Variants in ADGRB3 observed in about 807,000 individuals in gnomAD.
ADGRB3 encodes brain-specific angiogenesis inhibitor 3.
Under a neutral mutation model 193.4 loss-of-function variants are expected in ADGRB3, and 37 were observed. The ratio of observed to expected loss-of-function variants is 0.19; its 90% CI spans 0.15 to 0.25. The LOEUF (loss-of-function observed/expected upper bound fraction) is 0.25. Ranked by LOEUF, ADGRB3 falls within the 10% of genes least tolerant of loss-of-function variation. The pLI is 1.00. For missense variants in ADGRB3, 1,637 were observed against 1,852.9 expected (o/e 0.88, Z 2.14); for synonymous variants, 690 against 644.2 (o/e 1.07, Z -1.08).
chr6:68,684,199 C>T (rs578106599), intron 3 of ADGRB3, among the ~76,000 whole-genome samples: 1 of 152,240 alleles, frequency 6.6e-6, no homozygotes, highest in East Asian at 1.9e-4. Context: ...GTCTTGATAG[C>T]TCTCATGTCT....
chr6:69,166,245 C>T (rs2150346285), intron 17 of ADGRB3, among the ~76,000 whole-genome samples: 1 of 152,076 alleles, frequency 6.6e-6, no homozygotes, highest in African/African-American at 2.4e-5. Context: ...ATGACAAAAA[C>T]CACAGTTTCA....
chr6:69,239,772 G>T (rs1252229618), intron 20 of ADGRB3, among the ~76,000 whole-genome samples: 1 of 152,002 alleles, frequency 6.6e-6, no homozygotes, highest in Non-Finnish European at 1.5e-5. Context: ...TTGATACTTA[G>T]CAGAATGGAA....
At chr6:69,381,217 T>A (rs1380483156) in intron 30 of ADGRB3, among the ~76,000 whole-genome samples, 1 of 151,964 alleles carries the variant, frequency 6.6e-6, no homozygotes, top group Non-Finnish European at 1.5e-5. Context: ...CCACAAGCCA[T>A]CACTAGTCAA....
chr6:69,296,743 T>C (rs1447336969), intron 20 of ADGRB3, among the ~76,000 whole-genome samples: 1 of 152,098 alleles, frequency 6.6e-6, no homozygotes, highest in Non-Finnish European at 1.5e-5. Context: ...ACCATGTCTA[T>C]GAGGGAGATA....
intron 3 of ADGRB3, among the ~76,000 whole-genome samples, chr6:68,693,826 A>G (rs1765116206): frequency 6.6e-6 from 1 of 152,004 alleles, no homozygotes; most frequent in Non-Finnish European, 1.5e-5. Flanking sequence ...GATGGTCTTC[A>G]GTATTTAAGA....
At chr6:69,055,793 G>GT (rs372442082) in intron 15 of ADGRB3, among the ~76,000 whole-genome samples, 2 of 148,410 alleles carry the variant, frequency 1.3e-5, no homozygotes, top group African/African-American at 2.4e-5. Flanking sequence ...TTGTTATGTT[G>GT]TTTTTTTGTT....
At chr6:68,986,905 A>T (rs1327042807) in intron 10 of ADGRB3, among the ~76,000 whole-genome samples, 1 of 152,140 alleles carries the variant, frequency 6.6e-6, no homozygotes, top group African/African-American at 2.4e-5. Flanking sequence ...AGGAGGCTTG[A>T]AATGAAAAGA....
chr6:68,694,954 G>A (rs181268557), intron 3 of ADGRB3, among the ~76,000 whole-genome samples: 3 of 151,924 alleles, frequency 2.0e-5, no homozygotes, highest in Admixed American at 2.0e-4. Flanking sequence ...TTTCTGTATT[G>A]GGCCATTTTA....
chr6:69,321,835 G>A (rs771059732), intron 20 of ADGRB3, among the ~76,000 whole-genome samples: 4 of 151,842 alleles, frequency 2.6e-5, no homozygotes, highest in Non-Finnish European at 5.9e-5. Context: ...AAATCAGTGT[G>A]TGTTTCCTTG....
intron 17 of ADGRB3, among the ~76,000 whole-genome samples, chr6:69,129,943 A>C (rs1331540738): frequency 6.6e-6 from 1 of 152,080 alleles, no homozygotes; most frequent in Non-Finnish European, 1.5e-5. Flanking sequence ...ATTGTTTATA[A>C]CCAACTTTTA....
At chr6:68,974,043 G>C (rs1272981595) in intron 8 of ADGRB3, among the ~76,000 whole-genome samples, 1 of 152,058 alleles carries the variant, frequency 6.6e-6, no homozygotes, top group Non-Finnish European at 1.5e-5. Flanking sequence ...TTTAGTTGAA[G>C]AGGTAAAAAG....
rs547591295 is a variant in ADGRB3, at chr6:69,246,165, G to A, written c.2814+6939G>A. ...TCTTTTTTCTTCATAAGAATATAAT[G>A]TTCATAGCCTTAAAAAGAAATGTGC... On this transcript the variant is annotated intron_variant, in intron 20 of 31. Coordinates refer to ENST00000370598, the MANE Select transcript of ADGRB3 (RefSeq NM_001704.3). 3.2e-4 allele frequency among the ~76,000 whole-genome samples: 49 copies of A among 152,196 alleles called. 2 individuals carry two copies. In the South Asian group the frequency reaches 1.0e-2, roughly 31 times the overall value.
chr6:69,245,620 T>C (rs1582574262), intron 20 of ADGRB3, among the ~76,000 whole-genome samples: 1 of 152,210 alleles, frequency 6.6e-6, no homozygotes, highest in East Asian at 1.9e-4. Flanking sequence ...TGTTTCATGC[T>C]ATACTTCATC....
intron 17 of ADGRB3, among the ~76,000 whole-genome samples, chr6:69,123,552 C>A (rs1183904265): frequency 6.6e-6 from 1 of 152,140 alleles, no homozygotes; most frequent in Non-Finnish European, 1.5e-5. Context: ...ATAATAAAAG[C>A]TGCATCTGCC....
At chr6:68,765,247 A>G (rs13220538) in intron 3 of ADGRB3, among the ~76,000 whole-genome samples, 14,624 of 152,208 alleles carry the variant, frequency 0.096, 878 homozygotes, top group Middle Eastern at 0.15. Flanking sequence ...AATGTATTCA[A>G]TTATGAAATG....
intron 17 of ADGRB3, among the ~76,000 whole-genome samples, chr6:69,096,819 A>C (rs1366853030): frequency 6.6e-6 from 1 of 152,206 alleles, no homozygotes; most frequent in Non-Finnish European, 1.5e-5. Context: ...CTTGGGGAGC[A>C]GTTCAGGCAT....
intron 24 of ADGRB3, among the ~76,000 whole-genome samples, chr6:69,333,335 T>C (rs1768767507): frequency 6.6e-6 from 1 of 152,046 alleles, no homozygotes; most frequent in Non-Finnish European, 1.5e-5. Flanking sequence ...CTGGTTTTGG[T>C]CACAAAGAAC....
intron 17 of ADGRB3, among the ~76,000 whole-genome samples, chr6:69,090,513 A>T (rs934540860): frequency 1.3e-5 from 2 of 151,862 alleles, no homozygotes; most frequent in African/African-American, 4.8e-5. Flanking sequence ...TTTTTCACAC[A>T]CTCATTTATT....
At chr6:69,310,575 T>C (rs781540950) in intron 20 of ADGRB3, among the ~76,000 whole-genome samples, 4 of 151,742 alleles carry the variant, frequency 2.6e-5, no homozygotes, top group African/African-American at 9.7e-5. Context: ...GCAATGTAAA[T>C]TCAAAATTGG....
Sources: allele counts gnomAD v4.1 joint callset (sites outside exome capture counted in the v4.1 genomes callset), GRCh38; gene constraint gnomAD v4.1.1; transcripts MANE v1.5; gene names NCBI Gene and HGNC (gene_info 2026-07-23, HGNC 2026-07-21).